GRIP2: variants seen among roughly 807,000 people sequenced by gnomAD.
GRIP2 encodes the protein glutamate receptor interacting protein 2, also known as glutamate receptor-interacting protein 2.
A neutral mutation model predicts 108.3 loss-of-function variants in GRIP2; 58 were observed. The ratio of observed to expected loss-of-function variants is 0.54; its 90% confidence interval spans 0.43 to 0.67. The LOEUF is 0.67. Among genes scored for constraint, GRIP2 ranks in the 30% least tolerant of loss-of-function variants. The probability of loss-of-function intolerance (pLI) is 0.00; values close to 1 mark genes in which losing one functional copy is unlikely to be tolerated. For synonymous variants in GRIP2, 586 were observed against 598.2 expected, an observed-to-expected ratio of 0.98 and a Z score of 0.30; for missense variants, 1,278 against 1,430.6, an observed-to-expected ratio of 0.89 and a Z score of 1.72.
chr3:14,501,453 A>T (rs547730638), intron 21 of GRIP2, among the ~76,000 whole-genome samples: 2 of 152,370 alleles, frequency 1.3e-5, no homozygotes, highest in Admixed American at 1.3e-4. Flanking sequence ...CCAAGCTCCA[A>T]GCATGGATTA....
intron 17 of GRIP2, among the ~76,000 whole-genome samples, chr3:14,508,895 A>T (rs1694004095): frequency 6.6e-6 from 1 of 152,184 alleles, no homozygotes; most frequent in African/African-American, 2.4e-5. Context: ...CTCAAATTAT[A>T]TTTCAGTTGG....
chr3:14,598,422 T>C, the GRIP2 span, among the ~76,000 whole-genome samples: 2 of 151,990 alleles, frequency 1.3e-5, no homozygotes, highest in Non-Finnish European at 2.9e-5. Context: ...ATGCCGGATG[T>C]GCCTATCAGC....
In GRIP2 at chr3:14,489,850, T is replaced by C. The variant is rs1369325887; in HGVS notation, c.*3815A>G. 6.6e-6 allele frequency: 1 copy of C among 152,102 alleles called. No individual in the cohort carries two copies. The highest frequency in any genetic ancestry group is 6.6e-5 in the Admixed American group (1 of 15,266). 9.4% of individuals were successfully genotyped at this position (152,102 alleles called of 1,614,324 possible). A position where few individuals can be genotyped will look rare whatever the true frequency, so the allele number is the denominator to read the frequency against. ...AAGGGTAGAGGGGGAGCAAACCTGA[T>C]TGCCCTTCTCCCACTCCCCCACCGT... is the stretch of plus-strand genomic sequence containing the variant. On this transcript the variant is annotated 3_prime_UTR_variant, in exon 24 of 24. Coordinates refer to ENST00000621039, the MANE Select transcript of GRIP2 (RefSeq NM_001080423.4).
At chr3:14,596,170 G>A in the GRIP2 span, among the ~76,000 whole-genome samples, 1 of 152,238 alleles carries the variant, frequency 6.6e-6, no homozygotes, top group African/African-American at 2.4e-5. Context: ...ACTCCAGGCA[G>A]GGGCAGCTGC....
chr3:14,572,863 C>A, the GRIP2 span: 1 of 1,179,448 alleles, frequency 8.5e-7, no homozygotes, highest in East Asian at 2.4e-5. Context: ...TGGAGCTGAG[C>A]ATCCAGTTCG....
At chr3:14,502,892 C>T (rs889792601) in intron 21 of GRIP2, among the ~76,000 whole-genome samples, 1 of 151,946 alleles carries the variant, frequency 6.6e-6, no homozygotes, top group African/African-American at 2.4e-5. Context: ...AAAAAATGAC[C>T]CCAATCAATA....
Position 14,506,985 on chromosome 3 carries a change from GA to G in GRIP2, c.2219-6del. 1.3e-6 allele frequency: 2 copies of G among 1,593,834 alleles called. No homozygotes were observed. The highest frequency in any genetic ancestry group is 1.1e-5 in the South Asian group (1 of 87,632). ...ACTTGCGGGGTAGGAGGGGACCTGG[GA>G]GGAGAGAGGGGTGTCAATTCTGACT... On this transcript the variant is annotated splice_region_variant and splice_polypyrimidine_tract_variant and intron_variant, in intron 18 of 23. Coordinates refer to ENST00000621039, the MANE Select transcript of GRIP2 (RefSeq NM_001080423.4).
At chr3:14,503,729 C>A in intron 20 of GRIP2, 58 bp from the exon 21 acceptor site, 1 of 756,680 alleles carries the variant, frequency 1.3e-6, no homozygotes, top group Non-Finnish European at 1.9e-6. Flanking sequence ...CGGGCTGGGG[C>A]CTGAGGAGTC....
At chr3:14,500,903 G>C (rs547623447) in intron 21 of GRIP2, among the ~76,000 whole-genome samples, 212 of 152,292 alleles carry the variant, frequency 1.4e-3, no homozygotes, top group African/African-American at 4.9e-3. Context: ...GGAGAGAAGT[G>C]AAAGAATTCT....
chr3:14,515,225 T>A (rs1284521614), intron 11 of GRIP2, among the ~76,000 whole-genome samples: 2 of 152,230 alleles, frequency 1.3e-5, no homozygotes, highest in Non-Finnish European at 2.9e-5. Context: ...CACATTTTGT[T>A]TATCTATTCA....
intron 21 of GRIP2, among the ~76,000 whole-genome samples, chr3:14,502,595 C>CA (rs952134052): frequency 2.6e-5 from 4 of 151,784 alleles, no homozygotes; most frequent in Non-Finnish European, 5.9e-5. Flanking sequence ...TATTATGAGA[C>CA]AAAACAGAAT....
At chr3:14,498,987 A>G (rs913101349) in intron 21 of GRIP2, among the ~76,000 whole-genome samples, 1 of 152,238 alleles carries the variant, frequency 6.6e-6, no homozygotes, top group Non-Finnish European at 1.5e-5. Flanking sequence ...ACTGGGTACC[A>G]TTCCAGAAAG....
rs954298854 is a variant in GRIP2 at position 14,540,334 on chromosome 3, C to T, written c.-26G>A. 7.4e-6 allele frequency: 12 copies of T among 1,613,288 alleles called. No homozygotes were observed. The highest frequency in any genetic ancestry group is 1.0e-5 in the Non-Finnish European group (12 of 1,179,632). ...GTTCGCTATTGTCTCCCCTGCTGCC[C>T]ACCAACTCCCTCGGGAGCCACGCTG... On this transcript the variant is annotated 5_prime_UTR_variant, in exon 1 of 24. Coordinates refer to ENST00000621039, the MANE Select transcript of GRIP2 (RefSeq NM_001080423.4). This position sits in a 1 kb window ranked among gnomAD's most constrained non-coding sequence, Gnocchi z 4.1.
chr3:14,573,137 G>T, the GRIP2 span: 2 of 1,432,568 alleles, frequency 1.4e-6, no homozygotes, highest in Non-Finnish European at 2.0e-6. Context: ...GCAGCCCAAA[G>T]GTGCAGAGGA....
intron 11 of GRIP2, among the ~76,000 whole-genome samples, chr3:14,515,730 G>A (rs1330163770): frequency 6.6e-6 from 1 of 152,066 alleles, no homozygotes; most frequent in Admixed American, 6.6e-5. Flanking sequence ...CCGCCTCCCG[G>A]GTTCAAGCGA....
upstream of GRIP2, among the ~76,000 whole-genome samples, chr3:14,558,623 C>T (rs1323739935): frequency 6.6e-6 from 1 of 152,264 alleles, no homozygotes; most frequent in South Asian, 2.1e-4. Flanking sequence ...ACCAGTTAAC[C>T]CTGGAGGGTG....
rs777339817 is a variant in GRIP2 at position 14,520,397 on chromosome 3, C to G, written c.853G>C (p.Val285Leu). ...ACCCAGGGTGTGCCTTACCTGTCCA[C>G]CACGCTGGCTGGCTTGATGCGGTCG... ...TIDRIKPASVVDRSGALHPGD... is the reference protein window; with the variant it reads ...TIDRIKPASVLDRSGALHPGD... The change falls in exon 8 of 24, where the codon GTG (valine) becomes CTG (leucine). Residue 285 changes from valine (V) to leucine (L), a missense_variant. Physicochemically the swap from Val to Leu is conservative, Grantham distance 32. Transcript: ENST00000621039. The G allele has an allele frequency of 1.2e-6, 2 of 1,611,842 alleles. No homozygotes were observed. Among genetic ancestry groups the G allele is most frequent in the Non-Finnish European group, 8.5e-7 (1 of 1,179,064 alleles).
chr3:14,504,309 G>GTTTTT (rs35560980), intron 20 of GRIP2, among the ~76,000 whole-genome samples: 9 of 121,600 alleles, frequency 7.4e-5, no homozygotes, highest in African/African-American at 2.0e-4. Flanking sequence ...GCACTTGCTT[G>GTTTTT]TTTTTTTTTT....
At chr3:14,573,049 T>C in the GRIP2 span, 2 of 1,381,534 alleles carry the variant, frequency 1.4e-6, no homozygotes, top group Admixed American at 3.4e-5. Flanking sequence ...CTGAAGCTGA[T>C]GTAGCGCTAG....
Sources: gnomAD v4.1 joint callset for allele counts (sites outside exome capture counted in the v4.1 genomes callset) on GRCh38, gnomAD v4.1.1 for gene constraint, Gnocchi (gnomAD v3.1) non-coding constraint, MANE v1.5 for transcripts, NCBI Gene and HGNC (gene_info 2026-07-23, HGNC 2026-07-21) for gene names.